Variants in KCNIP4 observed in about 807,000 individuals in gnomAD.
The protein encoded by KCNIP4 is Kv channel-interacting protein 4.
In KCNIP4, 12 loss-of-function variants were observed where a neutral mutation model predicts 34.0. The observed-to-expected ratio is 0.35, with a 90% CI of 0.23 to 0.57. KCNIP4 has a LOEUF of 0.57. Ranked by LOEUF, KCNIP4 falls within the 20% of genes least tolerant of loss-of-function variation. KCNIP4 has a pLI of 0.83. For synonymous variants in KCNIP4, 124 were observed against 102.2 expected, an observed-to-expected ratio of 1.21 and a Z score of -1.29; for missense variants, 238 against 311.7, an observed-to-expected ratio of 0.76 and a Z score of 1.78.
At chr4:21,285,484 G>A (rs959781439) in intron 1 of KCNIP4, among the ~76,000 whole-genome samples, 2 of 152,078 alleles carry the variant, frequency 1.3e-5, no homozygotes, top group Non-Finnish European at 2.9e-5. Flanking sequence ...GGAAGCAGTT[G>A]ATGAGCCAAC....
rs937356582 is a variant in KCNIP4 at position 20,882,193 on chromosome 4, T to C, written c.163+415A>G. ...TGACACTTTGTAATCTTTTTTCTAA[T>C]CTAGTGATATTTCTGAATTTGGGCA... is the stretch of plus-strand genomic sequence containing the variant. On this transcript the variant is annotated intron_variant, in intron 2 of 8. Coordinates refer to ENST00000382152, the MANE Select transcript of KCNIP4 (RefSeq NM_025221.6). Among the ~76,000 whole-genome samples the C allele has an allele frequency of 9.0e-4, 137 of 152,184 alleles. 11 individuals are homozygous for C. Among genetic ancestry groups the C allele is most frequent in the South Asian group, 6.2e-4 (3 of 4,822 alleles).
At chr4:21,936,419 C>T (rs1030845174) in intron 1 of KCNIP4, among the ~76,000 whole-genome samples, 6 of 152,088 alleles carry the variant, frequency 3.9e-5, no homozygotes, top group East Asian at 1.9e-4. Context: ...CCATGTAGAA[C>T]GTGAGTCAAT....
chr4:21,257,731 C>T (rs1761160503), intron 1 of KCNIP4, among the ~76,000 whole-genome samples: 1 of 147,026 alleles, frequency 6.8e-6, no homozygotes, highest in African/African-American at 2.5e-5. Flanking sequence ...GCCTGGGTGA[C>T]ACAGCAAGAC....
chr4:20,851,367 T>C (rs1721003060), intron 2 of KCNIP4, among the ~76,000 whole-genome samples: 1 of 152,200 alleles, frequency 6.6e-6, no homozygotes, highest in Admixed American at 6.5e-5. Flanking sequence ...ATGATCTCTG[T>C]CCTTTTTATG....
intron 1 of KCNIP4, among the ~76,000 whole-genome samples, chr4:21,924,843 A>G (rs1171214734): frequency 6.6e-6 from 1 of 151,578 alleles, no homozygotes; most frequent in Non-Finnish European, 1.5e-5. Flanking sequence ...TCTATAATCT[A>G]CCACTCCTCC....
chr4:21,321,307 G>C (rs1714387413), intron 1 of KCNIP4, among the ~76,000 whole-genome samples: 1 of 152,094 alleles, frequency 6.6e-6, no homozygotes, highest in Non-Finnish European at 1.5e-5. Context: ...ACCATTTAGA[G>C]AATGATAAAA....
At chr4:21,128,684 C>G (rs905529492) in intron 1 of KCNIP4, among the ~76,000 whole-genome samples, 5 of 152,152 alleles carry the variant, frequency 3.3e-5, no homozygotes, top group African/African-American at 1.2e-4. Context: ...TTCTTGGGAG[C>G]AAAAGATTCT....
At chr4:21,481,591 A>G (rs899412977) in intron 1 of KCNIP4, among the ~76,000 whole-genome samples, 2 of 152,166 alleles carry the variant, frequency 1.3e-5, no homozygotes, top group African/African-American at 4.8e-5. Flanking sequence ...AATGGCTAAA[A>G]ATGTGCTTAA....
At chr4:20,814,861 A>G (rs1490460947) in intron 3 of KCNIP4, among the ~76,000 whole-genome samples, 1 of 152,206 alleles carries the variant, frequency 6.6e-6, no homozygotes, top group Non-Finnish European at 1.5e-5. Flanking sequence ...AAAAACAAAG[A>G]CAATATGGCT....
intron 1 of KCNIP4, among the ~76,000 whole-genome samples, chr4:21,367,817 G>A (rs187342337): frequency 2.0e-5 from 3 of 147,526 alleles, no homozygotes; most frequent in South Asian, 2.1e-4. Flanking sequence ...TGTCACTAGC[G>A]TGTAAACACA....
chr4:20,931,012 T>C (rs1730408083), intron 1 of KCNIP4, among the ~76,000 whole-genome samples: 1 of 152,016 alleles, frequency 6.6e-6, no homozygotes, highest in Non-Finnish European at 1.5e-5. Context: ...TTTTTGGGGA[T>C]TGACCCAGCA....
At chr4:21,331,929 A>G (rs1419612519) in intron 1 of KCNIP4, among the ~76,000 whole-genome samples, 1 of 152,106 alleles carries the variant, frequency 6.6e-6, no homozygotes, top group Non-Finnish European at 1.5e-5. Flanking sequence ...TCTCTTCCCC[A>G]GTACTTGTAA....
intron 1 of KCNIP4, among the ~76,000 whole-genome samples, chr4:21,581,823 T>C (rs572980575): frequency 1.2e-4 from 18 of 152,098 alleles, no homozygotes; most frequent in African/African-American, 4.3e-4. Flanking sequence ...ATTGTCTTAA[T>C]TATTAACCTC....
At chr4:21,403,704 C>A (rs890354676) in intron 1 of KCNIP4, among the ~76,000 whole-genome samples, 1 of 152,146 alleles carries the variant, frequency 6.6e-6, no homozygotes, top group African/African-American at 2.4e-5. Flanking sequence ...TTATTTCTCA[C>A]ATTTCTAGAG....
chr4:21,519,622 A>G (rs559688749), intron 1 of KCNIP4, among the ~76,000 whole-genome samples: 9 of 135,314 alleles, frequency 6.7e-5, no homozygotes, highest in Non-Finnish European at 1.3e-4. Context: ...GTGTGTATGT[A>G]TGTGTATATA....
chr4:20,960,738 T>C (rs1733768387), intron 1 of KCNIP4, among the ~76,000 whole-genome samples: 1 of 152,164 alleles, frequency 6.6e-6, no homozygotes, highest in South Asian at 2.1e-4. Context: ...TAGGAATCCA[T>C]TAGTGAACCA....
intron 1 of KCNIP4, among the ~76,000 whole-genome samples, chr4:21,873,958 G>T (rs761965530): frequency 6.6e-6 from 1 of 152,178 alleles, no homozygotes; most frequent in Non-Finnish European, 1.5e-5. Flanking sequence ...CATGCATTTT[G>T]TTCACTCTGC....
chr4:21,668,811 C>G (rs1043790715), intron 1 of KCNIP4, among the ~76,000 whole-genome samples: 4 of 146,268 alleles, frequency 2.7e-5, no homozygotes, highest in Non-Finnish European at 4.5e-5. Context: ...TAAATAAACA[C>G]AGTGAGAAGT....
Position 21,899,331 on chromosome 4 carries a change from C to T in KCNIP4, c.61+49240G>A, listed in dbSNP as rs1025658319. Among the ~76,000 whole-genome samples, 8 of 152,152 alleles carry T rather than the reference C, an allele frequency of 5.3e-5. No individual in the cohort carries two copies. The East Asian group carries it at 5.8e-4, about 11-fold the overall frequency. On this transcript the variant is annotated intron_variant, in intron 1 of 8. Transcript: ENST00000382152. ...AAGAACAAATCCCCAGATGGTATCA[C>T]GCTGAATGGAGAAAAACTGAAAGCT...
Sources: allele counts gnomAD v4.1 joint callset (sites outside exome capture counted in the v4.1 genomes callset), GRCh38; gene constraint gnomAD v4.1.1; transcripts MANE v1.5; gene names NCBI Gene and HGNC (gene_info 2026-07-23, HGNC 2026-07-21).